PIWIL3: variants seen among roughly 807,000 people sequenced by gnomAD.
The protein encoded by PIWIL3 is piwi-like protein 3.
In PIWIL3, 101 loss-of-function variants were observed where a neutral mutation model predicts 109.7. The ratio of observed to expected loss-of-function variants is 0.92; its 90% CI spans 0.78 to 1.09. The LOEUF (loss-of-function observed/expected upper bound fraction) is 1.09, where lower values mean the gene tolerates loss of function less well. Among genes scored for constraint, PIWIL3 ranks in the 50% least tolerant of loss-of-function variants. The pLI is 0.00. For missense variants in PIWIL3, 1,031 were observed against 1,072.6 expected (o/e 0.96, Z 0.54); for synonymous variants, 373 against 376.4 (o/e 0.99, Z 0.10).
intron 7 of PIWIL3, 44 bp downstream of exon 7, chr22:24,754,740 A>G: frequency 2.1e-6 from 3 of 1,446,752 alleles, no homozygotes; most frequent in South Asian, 1.2e-5. Flanking sequence ...AAAAAATCCT[A>G]CGTTTAAGTC....
chr22:24,771,828 G>C (rs780117899), intron 1 of PIWIL3, among the ~76,000 whole-genome samples: 1 of 151,862 alleles, frequency 6.6e-6, no homozygotes, highest in East Asian at 1.9e-4. Flanking sequence ...CCACCTCCCC[G>C]GTTCAAGCAA....
intron 9 of PIWIL3, among the ~76,000 whole-genome samples, chr22:24,750,317 T>G (rs1039539700): frequency 3.9e-5 from 6 of 152,306 alleles, no homozygotes; most frequent in African/African-American, 1.4e-4. Flanking sequence ...AGTGGCTGCT[T>G]CTTCACAGTG....
intron 12 of PIWIL3, among the ~76,000 whole-genome samples, chr22:24,747,905 A>G (rs1439078895): frequency 3.3e-5 from 5 of 152,206 alleles, no homozygotes; most frequent in Non-Finnish European, 5.9e-5. Context: ...TAGAGCTAAC[A>G]TATGTTGCAG....
Position 24,757,950 on chromosome 22 carries a change from T to G in PIWIL3, c.313A>C (p.Asn105His). 6.2e-7 allele frequency: 1 copy of G among 1,613,840 alleles called. No individual in the cohort carries two copies. The change falls in exon 4 of 21, where the codon AAC becomes CAC. Residue 105 changes from asparagine to histidine, a missense_variant. Transcript: ENST00000616349. ...ACATGCTTCATATCTTGCCTGGTGT[T>G]CACCACCAGGTCTTGAAAAACTCCA... Reference protein sequence around the residue: ...IGGVFQDLVVNTRQDMKHVKD... With the variant: ...IGGVFQDLVVHTRQDMKHVKD...
chr22:24,725,032 G>C lies in PIWIL3; in HGVS notation c.2086C>G (p.Leu696Val). Residue 696 changes from leucine to valine, a missense_variant, in exon 18 of 21, where the codon CTG (leucine) becomes GTG (valine). Leu to Val is a conservative substitution (Grantham distance 32). Transcript: ENST00000616349. ...GATTCGTTTTTACACCAGACATCCA[G>C]GGCAGCTAAGAGGAAATCAGAAAAA... ...KELEICLKAALDVWCKNESSM... is the reference protein window; with the variant it reads ...KELEICLKAAVDVWCKNESSM... 2.5e-6 allele frequency: 4 copies of C among 1,614,058 alleles called. No individual in the cohort carries two copies.
intron 14 of PIWIL3, among the ~76,000 whole-genome samples, chr22:24,731,348 T>C (rs1601826972): frequency 6.6e-6 from 1 of 152,216 alleles, no homozygotes; most frequent in Non-Finnish European, 1.5e-5. Context: ...ACCTTAGTTA[T>C]AGATGAAAAG....
chr22:24,756,396 C>A, intron 5 of PIWIL3, 95 bp downstream of exon 5: 1 of 1,261,846 alleles, frequency 7.9e-7, no homozygotes, highest in South Asian at 1.5e-5. Flanking sequence ...TGGGATGTCT[C>A]AACAAACAAC....
At chr22:24,737,822 G>A (rs1923753881) in intron 12 of PIWIL3, among the ~76,000 whole-genome samples, 1 of 152,146 alleles carries the variant, frequency 6.6e-6, no homozygotes, top group African/African-American at 2.4e-5. Flanking sequence ...ACTCCCTATG[G>A]GCCTGTGGTG....
intron 12 of PIWIL3, among the ~76,000 whole-genome samples, chr22:24,741,824 C>T (rs932471678): frequency 2.0e-5 from 3 of 149,902 alleles, no homozygotes; most frequent in Non-Finnish European, 3.0e-5. Context: ...AGCATTCCCC[C>T]CCAAGAACTG....
chr22:24,728,936 C>T (rs977498640), intron 14 of PIWIL3, among the ~76,000 whole-genome samples: 10 of 152,214 alleles, frequency 6.6e-5, no homozygotes, highest in African/African-American at 2.4e-4. Flanking sequence ...TAAGGCAGGT[C>T]CACACTAAAA....
At chr22:24,765,887 T>C (rs1057370135) in intron 1 of PIWIL3, among the ~76,000 whole-genome samples, 1 of 152,026 alleles carries the variant, frequency 6.6e-6, no homozygotes. Context: ...TGTGAAGACA[T>C]TTTTTGCTAT....
At chr22:24,741,552 A>C (rs1034334151) in intron 12 of PIWIL3, among the ~76,000 whole-genome samples, 1 of 152,204 alleles carries the variant, frequency 6.6e-6, no homozygotes, top group South Asian at 2.1e-4. Context: ...CACAAAAAAC[A>C]AACCACCTCA....
intron 18 of PIWIL3, 102 bp downstream of exon 18, chr22:24,724,784 CT>C: frequency 7.7e-7 from 1 of 1,291,264 alleles, no homozygotes; most frequent in East Asian, 2.5e-5. Context: ...GTTGCCCAAG[CT>C]GGTCTTGAAC....
At chr22:24,772,614 C>T (rs961197107) in intron 1 of PIWIL3, among the ~76,000 whole-genome samples, 1 of 152,192 alleles carries the variant, frequency 6.6e-6, no homozygotes, top group African/African-American at 2.4e-5. Context: ...GAGAAGAGCC[C>T]TGGCAAAGGC....
In PIWIL3 at chr22:24,736,309, C is replaced by G. The variant is rs550251469; in HGVS notation, c.1450-417G>C. ...GTTCACACTGCTGCAGCAGAACTCT[C>G]TGAACCCCTTCTGATTGAATGCTGC... On this transcript the variant is annotated intron_variant, in intron 12 of 20. Transcript: ENST00000616349. Among the ~76,000 whole-genome samples the G allele has an allele frequency of 2.0e-5, 3 of 152,362 alleles. No individual in the cohort carries two copies. In the South Asian group the frequency reaches 6.2e-4, roughly 32 times the overall value.
chr22:24,739,194 A>G (rs535091268), intron 12 of PIWIL3, among the ~76,000 whole-genome samples: 2 of 152,256 alleles, frequency 1.3e-5, no homozygotes, highest in South Asian at 2.1e-4. Context: ...ACACAGAAGC[A>G]TGCCTACAAA....
At position 24,723,187 on chromosome 22, in the gene PIWIL3, T is replaced by C. The variant is rs748063916; in HGVS notation, c.2300A>G (p.Asn767Ser). The change falls in exon 19 of 21, where the codon AAT becomes AGT. Residue 767 changes from asparagine (N) to serine (S), a missense_variant. Transcript: ENST00000616349. ...NTRFFLKHGS[N>S]FQNPPPGTVI... ...TGTTCCTGGAGGTGGATTTTGAAAA[T>C]TGCTTCCATGTTTAAGAAAAAATCT... The C allele has an allele frequency of 6.2e-7, 1 of 1,612,116 alleles. No individual in the cohort carries two copies. The highest frequency in any genetic ancestry group is 8.5e-7 in the Non-Finnish European group (1 of 1,178,324).
intron 14 of PIWIL3, among the ~76,000 whole-genome samples, chr22:24,732,595 A>G (rs1190153684): frequency 3.3e-5 from 5 of 152,192 alleles, no homozygotes; most frequent in East Asian, 1.9e-4. Context: ...AGGCCGAGGC[A>G]GGTGGATCAC....
chr22:24,734,226 T>C, intron 13 of PIWIL3, 70 bp from the exon 14 acceptor site: 4 of 1,565,608 alleles, frequency 2.6e-6, no homozygotes, highest in Non-Finnish European at 2.6e-6. Context: ...ACCCAGCAAA[T>C]TAAATACAAA....
Sources: allele counts gnomAD v4.1 joint callset (sites outside exome capture counted in the v4.1 genomes callset), GRCh38; gene constraint gnomAD v4.1.1; transcripts MANE v1.5; gene names NCBI Gene and HGNC (gene_info 2026-07-23, HGNC 2026-07-21).